The following PCDH7 variants were observed in gnomAD, a reference collection of about 807,000 sequenced individuals.
PCDH7 encodes the protein protocadherin-7.
A neutral mutation model predicts 58.9 loss-of-function variants in PCDH7; 17 were observed. The ratio of observed to expected loss-of-function variants is 0.29; its 90% CI spans 0.20 to 0.43. The LOEUF (loss-of-function observed/expected upper bound fraction) is 0.43, where lower values mean the gene tolerates loss of function less well. Among genes scored for constraint, PCDH7 ranks in the 20% least tolerant of loss-of-function variants. The probability of loss-of-function intolerance (pLI) is 1.00; values close to 1 mark genes in which losing one functional copy is unlikely to be tolerated. For missense variants in PCDH7, 1,274 were observed against 1,441.0 expected (o/e 0.88, Z 1.88); for synonymous variants, 664 against 616.4 (o/e 1.08, Z -1.14).
intron 3 of PCDH7, among the ~76,000 whole-genome samples, chr4:31,002,817 C>T (rs1361303002): frequency 1.3e-5 from 2 of 152,164 alleles, no homozygotes; most frequent in Non-Finnish European, 2.9e-5. Flanking sequence ...TTGACATGTG[C>T]ATTCCTGTAA....
chr4:30,998,494 T>A (rs539063423), intron 3 of PCDH7, among the ~76,000 whole-genome samples: 25 of 152,112 alleles, frequency 1.6e-4, no homozygotes, highest in Non-Finnish European at 2.6e-4. Flanking sequence ...TGGTAGGATC[T>A]CCTGGAATGG....
At chr4:30,850,206 T>C (rs1732543104) in intron 1 of PCDH7, among the ~76,000 whole-genome samples, 1 of 152,124 alleles carries the variant, frequency 6.6e-6, no homozygotes, top group African/African-American at 2.4e-5. Context: ...TATGTACATA[T>C]TATTTGTGGT....
At chr4:30,911,030 C>A (rs1274390619) in intron 1 of PCDH7, among the ~76,000 whole-genome samples, 1 of 152,050 alleles carries the variant, frequency 6.6e-6, no homozygotes, top group Non-Finnish European at 1.5e-5. Flanking sequence ...AAGTTGGAAA[C>A]CATCCTTGTC....
intron 3 of PCDH7, among the ~76,000 whole-genome samples, chr4:31,116,606 A>ATC (rs1373537114): frequency 2.0e-5 from 3 of 152,184 alleles, no homozygotes; most frequent in Non-Finnish European, 2.9e-5. Context: ...TTGGAAAAAA[A>ATC]TCTTACCTCA....
chr4:30,875,429 A>G (rs1736159412), intron 1 of PCDH7, among the ~76,000 whole-genome samples: 1 of 152,048 alleles, frequency 6.6e-6, no homozygotes, highest in Admixed American at 6.6e-5. Flanking sequence ...TTTTGGGGAG[A>G]CACAATTCAA....
chr4:30,845,781 C>T (rs1484084650), intron 1 of PCDH7, among the ~76,000 whole-genome samples: 7 of 151,960 alleles, frequency 4.6e-5, no homozygotes, highest in Admixed American at 4.6e-4. Flanking sequence ...CTTTTAGAGA[C>T]AGAGTAACAT....
At chr4:30,995,011 A>G (rs990648947) in intron 3 of PCDH7, among the ~76,000 whole-genome samples, 1 of 152,168 alleles carries the variant, frequency 6.6e-6, no homozygotes, top group African/African-American at 2.4e-5. Context: ...CTCATGTATA[A>G]TTTTTTATTG....
chr4:30,811,516 G>T (rs1466774278), intron 1 of PCDH7, among the ~76,000 whole-genome samples: 1 of 152,140 alleles, frequency 6.6e-6, no homozygotes, highest in Admixed American at 6.6e-5. Flanking sequence ...AAAAAGTCAT[G>T]TGGAATCTAT....
At chr4:31,124,060 G>T (rs570300144) in intron 3 of PCDH7, among the ~76,000 whole-genome samples, 1 of 152,048 alleles carries the variant, frequency 6.6e-6, no homozygotes, top group East Asian at 1.9e-4. Context: ...AGGGTGAGGC[G>T]GTGTGACGGG....
intron 3 of PCDH7, among the ~76,000 whole-genome samples, chr4:31,053,741 T>G (rs1237289789): frequency 6.6e-6 from 1 of 152,194 alleles, no homozygotes; most frequent in African/African-American, 2.4e-5. Context: ...CATCCTTTTA[T>G]GTATTTATGC....
rs1423423817 is a variant in PCDH7, at chr4:31,023,553, G to A, written c.*7+73338G>A. Among the ~76,000 whole-genome samples, 4 of 152,072 alleles carry A rather than the reference G, an allele frequency of 2.6e-5. No homozygotes were observed. The East Asian group carries it at 7.7e-4, about 29-fold the overall frequency. ...AGAATTCCTCATTTGCAGGACTATT[G>A]TTAGGAGTAAGCAAAATAATATGTG... On this transcript the variant is annotated intron_variant, in intron 3 of 3. Coordinates refer to the PCDH7 transcript ENST00000509759.
intron 1 of PCDH7, among the ~76,000 whole-genome samples, chr4:30,828,394 A>T (rs1431852995): frequency 6.6e-6 from 1 of 152,084 alleles, no homozygotes; most frequent in Non-Finnish European, 1.5e-5. Context: ...AATGTGGCAC[A>T]ATGAGCTTCT....
intron 3 of PCDH7, among the ~76,000 whole-genome samples, chr4:30,984,378 A>G (rs951137502): frequency 6.6e-6 from 1 of 152,208 alleles, no homozygotes; most frequent in African/African-American, 2.4e-5. Flanking sequence ...AACATATGGA[A>G]AGAGCAATGG....
chr4:31,087,384 T>G (rs911175280), intron 3 of PCDH7, among the ~76,000 whole-genome samples: 1 of 152,176 alleles, frequency 6.6e-6, no homozygotes, highest in African/African-American at 2.4e-5. Context: ...TGAATGATAC[T>G]ATTCTTAAGG....
intron 3 of PCDH7, among the ~76,000 whole-genome samples, chr4:31,137,784 T>C (rs1431428960): frequency 6.6e-6 from 1 of 152,136 alleles, no homozygotes; most frequent in African/African-American, 2.4e-5. Context: ...TTAAATAATA[T>C]GTGAGTTAAA....
At chr4:30,837,367 T>C (rs1322803050) in intron 1 of PCDH7, among the ~76,000 whole-genome samples, 1 of 151,980 alleles carries the variant, frequency 6.6e-6, no homozygotes, top group African/African-American at 2.4e-5. Context: ...GAATGATTAA[T>C]GTAAGCCCTT....
chr4:31,022,608 G>A (rs994383877), intron 3 of PCDH7, among the ~76,000 whole-genome samples: 1 of 152,174 alleles, frequency 6.6e-6, no homozygotes, highest in Non-Finnish European at 1.5e-5. Flanking sequence ...GGTATTGCAA[G>A]TGTAAATCAT....
At chr4:30,959,420 A>T (rs1045866091) in intron 3 of PCDH7, among the ~76,000 whole-genome samples, 3 of 152,164 alleles carry the variant, frequency 2.0e-5, no homozygotes, top group African/African-American at 7.2e-5. Flanking sequence ...GTCTTGTTGG[A>T]TGAATTATAT....
At chr4:31,069,367 T>TCATGCCG (rs1758353171) in intron 3 of PCDH7, among the ~76,000 whole-genome samples, 1 of 150,348 alleles carries the variant, frequency 6.7e-6, no homozygotes, top group Non-Finnish European at 1.5e-5. Flanking sequence ...CCCTGGTGCC[T>TCATGCCG]CATGCCTCAA....
Sources: allele counts gnomAD v4.1 joint callset (sites outside exome capture counted in the v4.1 genomes callset), GRCh38; gene constraint gnomAD v4.1.1; transcripts MANE v1.5; gene names NCBI Gene and HGNC (gene_info 2026-07-23, HGNC 2026-07-21).